Variants in MRPL28 observed in about 807,000 individuals in gnomAD.
The protein encoded by MRPL28 is large ribosomal subunit protein bL28m.
Under a neutral mutation model 26.2 loss-of-function variants are expected in MRPL28, and 25 were observed. The observed-to-expected ratio is 0.95, with a 90% CI of 0.69 to 1.33. The LOEUF (loss-of-function observed/expected upper bound fraction) is 1.33, where lower values mean the gene tolerates loss of function less well. Ranked by LOEUF, MRPL28 falls within the 40% of genes most tolerant of loss-of-function variation. The pLI, the probability that MRPL28 is intolerant of heterozygous loss-of-function variation, is 0.00. For synonymous variants in MRPL28, 227 were observed against 140.1 expected (o/e 1.62, Z -4.38); for missense variants, 432 against 327.2 (o/e 1.32, Z -2.47).
chr16:369,299 C>A (rs770020197), intron 2 of MRPL28, 79 bp from the exon 3 acceptor site: 35 of 1,538,308 alleles, frequency 2.3e-5, no homozygotes, highest in Non-Finnish European at 3.1e-5. Context: ...CTGCCCTCAC[C>A]TCCCCCCCGG....
Position 368,386 on chromosome 16 carries a change from T to C in MRPL28, c.605A>G (p.Glu202Gly), listed in dbSNP as rs2054280764. Residue 202 changes from glutamate to glycine, a missense_variant, in exon 5 of 6, where the codon GAG becomes GGG. Glu to Gly is a moderately conservative substitution (Grantham distance 98). Coordinates refer to ENST00000199706, the MANE Select transcript of MRPL28 (RefSeq NM_006428.5). ...CTCCTCCAGCGTGAGGCCCACCCAC[T>C]CTGCCTCCTCCTCTGGGATGGCAAA... ...KEFAIPEEEA[E>G]WVGLTLEEAI... The C allele has an allele frequency of 6.2e-7, 1 of 1,613,582 alleles. No homozygotes were observed. The highest frequency in any genetic ancestry group is 1.3e-5 in the African/African-American group (1 of 74,858).
At chr16:367,878 G>A (rs1051900164) in intron 5 of MRPL28, 96 bp from the exon 6 acceptor site, 12 of 1,064,148 alleles carry the variant, frequency 1.1e-5, no homozygotes, top group Admixed American at 4.3e-5. Context: ...CAGAGGAACC[G>A]GGGCATGAGA....
intron 3 of MRPL28, 148 bp downstream of exon 3, chr16:368,920 G>C: frequency 8.8e-7 from 1 of 1,142,334 alleles, no homozygotes; most frequent in South Asian, 1.6e-5. Context: ...GTGCTGGCCA[G>C]AAAGGGGCAT....
chr16:369,879 C>G, intron 2 of MRPL28, 52 bp downstream of exon 2: 1 of 1,565,612 alleles, frequency 6.4e-7, no homozygotes, highest in Non-Finnish European at 8.6e-7. Context: ...CGGCACAGAG[C>G]CGGCACAGCC....
At chr16:368,985 G>GT (rs1361746027) in intron 3 of MRPL28, 83 bp downstream of exon 3, 4 of 1,502,238 alleles carry the variant, frequency 2.7e-6, no homozygotes, top group Non-Finnish European at 3.6e-6. Context: ...GCGTGCCCCG[G>GT]TGTGATGCTG....
At chr16:369,817 C>T (rs1443222448) in intron 2 of MRPL28, 114 bp downstream of exon 2, 2 of 1,337,620 alleles carry the variant, frequency 1.5e-6, no homozygotes, top group Non-Finnish European at 2.0e-6. Context: ...GTGTCGCCTC[C>T]AGGCTGTAAT....
intron 5 of MRPL28, 53 bp from the exon 6 acceptor site, chr16:367,835 G>T: frequency 6.7e-7 from 1 of 1,489,672 alleles, no homozygotes; most frequent in Non-Finnish European, 9.3e-7. Context: ...GGCAGCTGGA[G>T]TTCCGACGGG....
intron 2 of MRPL28, 54 bp from the exon 3 acceptor site, chr16:369,274 G>A: frequency 4.9e-6 from 7 of 1,437,898 alleles, no homozygotes; most frequent in Admixed American, 2.3e-5. Flanking sequence ...TACATACCAA[G>A]GGGGGCCCAG....
chr16:368,569 C>T lies in MRPL28; in HGVS notation c.508G>A (p.Ala170Thr), dbSNP rs773668206. The T allele has an allele frequency of 2.5e-6, 4 of 1,595,574 alleles. No homozygotes were observed. In the African/African-American group the frequency reaches 4.0e-5, roughly 16 times the overall value. Residue 170 changes from alanine (A) to threonine (T), a missense_variant, in exon 4 of 6, where the codon GCC becomes ACC. Transcript: ENST00000199706. ...DLKRGMLLRLARQDPQLHPED... is the reference protein window; with the variant it reads ...DLKRGMLLRLTRQDPQLHPED... ...GGGTGCAGCTGGGGGTCCTGCCGGGCAAGCCGCAGCAGCATCCCTCGCTTC... is the reference window on the plus strand; with the variant it reads ...GGGTGCAGCTGGGGGTCCTGCCGGGTAAGCCGCAGCAGCATCCCTCGCTTC...
At position 370,059 on chromosome 16, in the gene MRPL28, G is replaced by A. The variant is rs1567320026; in HGVS notation, c.160C>T (p.Pro54Ser). The change falls in exon 2 of 6, where the codon CCC becomes TCC. Residue 54 changes from proline to serine, a missense_variant. Transcript: ENST00000199706. The stretch of plus-strand genomic sequence containing the variant: ...ACACGCTCCCGCTGCCCGTTCTTGG[G>A]GTTGATCTTGAACTTGGCCCCATGA... ...RPHGAKFKIN[P>S]KNGQRERVED... The A allele has an allele frequency of 9.3e-6, 15 of 1,612,840 alleles. No individual in the cohort carries two copies. Among genetic ancestry groups the A allele is most frequent in the Admixed American group, 3.3e-5 (2 of 59,942 alleles).
intron 3 of MRPL28, 117 bp from the exon 4 acceptor site, chr16:368,752 C>T (rs2054285532): frequency 1.4e-6 from 2 of 1,446,360 alleles, no homozygotes; most frequent in South Asian, 1.4e-5. Flanking sequence ...CAGAGAAGGC[C>T]CGGGTGGGGC....
chr16:370,171 C>T lies in MRPL28; in HGVS notation c.48G>A (p.Leu16=). ...YPVWLWKRLQ[L]REGICSRLPG... ...GCAGGCGGGAACAGATGCCCTCCCGCAGCTGCAGCCGCTTCCAGAGCCACA... is the reference window on the plus strand; with the variant it reads ...GCAGGCGGGAACAGATGCCCTCCCGTAGCTGCAGCCGCTTCCAGAGCCACA... The change falls in exon 2 of 6, where the codon CTG becomes CTA. Residue 16 remains leucine, a synonymous_variant. Coordinates refer to ENST00000199706, the MANE Select transcript of MRPL28 (RefSeq NM_006428.5). The T allele has an allele frequency of 6.3e-7, 1 of 1,599,436 alleles. No homozygotes were observed. The highest frequency in any genetic ancestry group is 8.5e-7 in the Non-Finnish European group (1 of 1,176,192).
Position 369,073 on chromosome 16 carries a change from G to C in MRPL28, c.436C>G (p.Leu146Val). Residue 146 changes from leucine (L) to valine (V), a missense_variant, in exon 3 of 6, where the codon CTC (leucine) becomes GTC (valine). Physicochemically the swap from Leu to Val is conservative, Grantham distance 32. Transcript: ENST00000199706. ...ACTCGCCCCACCCCGCTTGCCTTGA[G>C]GATGTAAAAGTCGAGCCCATAAGCC... ...DEAYGLDFYI[L>V]KTPKEDLCSK... The C allele has an allele frequency of 6.2e-7, 1 of 1,613,608 alleles. No individual in the cohort carries two copies. The highest frequency in any genetic ancestry group is 8.5e-7 in the Non-Finnish European group (1 of 1,179,866).
In MRPL28 at chr16:368,634, G is replaced by T. The variant is rs773118783; in HGVS notation, c.443C>A (p.Thr148Asn). 7 of 1,549,830 alleles carry T rather than the reference G, an allele frequency of 4.5e-6. No individual in the cohort carries two copies. Among genetic ancestry groups the T allele is most frequent in the Non-Finnish European group, 6.1e-6 (7 of 1,145,742 alleles). The stretch of plus-strand genomic sequence containing the variant: ...CTTGGAGCACAGGTCCTCCTTCGGG[G>T]TCTGGCAGAAGGCTCACATGGGGCC... Reference protein sequence around the residue: ...AYGLDFYILKTPKEDLCSKFG... With the variant: ...AYGLDFYILKNPKEDLCSKFG... Residue 148 changes from threonine (T) to asparagine (N), a missense_variant and splice_region_variant, in exon 4 of 6, where the codon ACC becomes AAC. Thr to Asn is a moderately conservative substitution (Grantham distance 65, BLOSUM62 0). Transcript: ENST00000199706.
At chr16:369,282 C>T in intron 2 of MRPL28, 62 bp from the exon 3 acceptor site, 2 of 1,403,076 alleles carry the variant, frequency 1.4e-6, no homozygotes, top group South Asian at 1.2e-5. Context: ...AAGGGGGGCC[C>T]AGGCAACTGC....
rs2054269557 is a variant in MRPL28, at chr16:367,466, G to A, written c.*209C>T. ...ACACTGCCGCAAACGTCGGGGCCCA[G>A]CCTGAGAGGAGCCTCTGGGCGGCCC... On this transcript the variant is annotated 3_prime_UTR_variant, in exon 6 of 6. Coordinates refer to ENST00000199706, the MANE Select transcript of MRPL28 (RefSeq NM_006428.5). 1 of 715,870 alleles carries A rather than the reference G, an allele frequency of 1.4e-6. No homozygotes were observed. The highest frequency in any genetic ancestry group is 1.7e-5 in the African/African-American group (1 of 57,226). 44.3% of individuals were successfully genotyped at this position (715,870 alleles called of 1,614,324 possible). A position where few individuals can be genotyped will look rare whatever the true frequency, so the allele number is the denominator to read the frequency against.
chr16:368,734 G>T, intron 3 of MRPL28, 99 bp from the exon 4 acceptor site: 1 of 1,495,866 alleles, frequency 6.7e-7, no homozygotes, highest in Non-Finnish European at 8.9e-7. Context: ...GGTGGTCCCA[G>T]GACAGGACAG....
Position 367,458 on chromosome 16 carries a change from G to C in MRPL28, c.*217C>G. 1 of 715,490 alleles carries C rather than the reference G, an allele frequency of 1.4e-6. No individual in the cohort carries two copies. The highest frequency in any genetic ancestry group is 2.6e-6 in the Non-Finnish European group (1 of 383,934). The allele number at this position is 715,490 out of a possible 1,614,324, so 44.3% of individuals were successfully genotyped here. A position where few individuals can be genotyped will look rare whatever the true frequency, so the allele number is the denominator to read the frequency against. The stretch of plus-strand genomic sequence containing the variant: ...CACAAGGAACACTGCCGCAAACGTC[G>C]GGGCCCAGCCTGAGAGGAGCCTCTG... On this transcript the variant is annotated 3_prime_UTR_variant, in exon 6 of 6. Coordinates refer to ENST00000199706, the MANE Select transcript of MRPL28 (RefSeq NM_006428.5).
chr16:369,769 C>T, intron 2 of MRPL28, 162 bp downstream of exon 2: 3 of 960,544 alleles, frequency 3.1e-6, no homozygotes, highest in South Asian at 1.6e-5. Context: ...TTTGCCAGAA[C>T]TGCGGTTCTT....
Sources: gnomAD v4.1 joint callset for allele counts on GRCh38, gnomAD v4.1.1 for gene constraint, MANE v1.5 for transcripts, NCBI Gene and HGNC (gene_info 2026-07-23, HGNC 2026-07-21) for gene names.